Variants in NKAIN2 observed in about 807,000 individuals in gnomAD.
The protein encoded by NKAIN2 is sodium/potassium-transporting ATPase subunit beta-1-interacting protein 2.
NKAIN2 carries 14 observed loss-of-function variants against 32.6 expected under a neutral mutation model. The ratio of observed to expected loss-of-function variants is 0.43; its 90% CI spans 0.28 to 0.67. NKAIN2 has a LOEUF of 0.67. Ranked by LOEUF, NKAIN2 falls within the 30% of genes least tolerant of loss-of-function variation. The probability of loss-of-function intolerance (pLI) is 0.17; values close to 1 mark genes in which losing one functional copy is unlikely to be tolerated. For missense variants in NKAIN2, 198 were observed against 258.3 expected (o/e 0.77, Z 1.60); for synonymous variants, 80 against 87.2 (o/e 0.92, Z 0.46).
intron 1 of NKAIN2, among the ~76,000 whole-genome samples, chr6:123,895,572 G>C (rs558109483): frequency 6.6e-6 from 1 of 152,166 alleles, no homozygotes; most frequent in Non-Finnish European, 1.5e-5. Flanking sequence ...CCTAGGGACA[G>C]GTTAGGGTCA....
At chr6:124,684,591 A>C (rs2114514109) in intron 4 of NKAIN2, among the ~76,000 whole-genome samples, 1 of 152,248 alleles carries the variant, frequency 6.6e-6, no homozygotes, top group East Asian at 1.9e-4. Context: ...ACATATAAAA[A>C]CCCATTAAAA....
At chr6:124,196,891 G>A (rs1007947818) in intron 1 of NKAIN2, among the ~76,000 whole-genome samples, 1 of 151,746 alleles carries the variant, frequency 6.6e-6, no homozygotes, top group African/African-American at 2.4e-5. Flanking sequence ...CCCTAATAAA[G>A]ATTAATAAGG....
At chr6:124,584,304 T>C (rs1002137728) in intron 3 of NKAIN2, among the ~76,000 whole-genome samples, 2 of 152,048 alleles carry the variant, frequency 1.3e-5, no homozygotes, top group African/African-American at 4.8e-5. Context: ...TAGGAAAATA[T>C]CTAATAATTT....
At chr6:124,357,302 T>C (rs1799030315) in intron 3 of NKAIN2, among the ~76,000 whole-genome samples, 1 of 152,158 alleles carries the variant, frequency 6.6e-6, no homozygotes, top group Admixed American at 6.6e-5. Context: ...ACTGGGTTTT[T>C]CCTCTCTTTC....
intron 3 of NKAIN2, among the ~76,000 whole-genome samples, chr6:124,370,804 C>T (rs1371162391): frequency 6.6e-6 from 1 of 152,084 alleles, no homozygotes; most frequent in East Asian, 1.9e-4. Flanking sequence ...CTTGCAATTG[C>T]TTCTGAAGAG....
intron 1 of NKAIN2, among the ~76,000 whole-genome samples, chr6:123,891,353 C>T (rs1774009718): frequency 6.6e-6 from 1 of 152,034 alleles, no homozygotes; most frequent in Non-Finnish European, 1.5e-5. Flanking sequence ...TCTATTTTAC[C>T]ACACACAAAA....
intron 1 of NKAIN2, among the ~76,000 whole-genome samples, chr6:123,938,837 A>G (rs1052658147): frequency 2.6e-5 from 4 of 151,662 alleles, no homozygotes; most frequent in African/African-American, 9.7e-5. Context: ...GGAACAGTGG[A>G]CATTGCTATG....
intron 1 of NKAIN2, among the ~76,000 whole-genome samples, chr6:124,246,916 G>A (rs1166524881): frequency 6.6e-6 from 1 of 151,920 alleles, no homozygotes; most frequent in East Asian, 1.9e-4. Flanking sequence ...TGTCCCACTG[G>A]GCTACAACCA....
chr6:124,053,125 A>G (rs951694168), intron 1 of NKAIN2, among the ~76,000 whole-genome samples: 4 of 151,976 alleles, frequency 2.6e-5, no homozygotes, highest in Middle Eastern at 3.2e-3. Flanking sequence ...TCAGGGGTCA[A>G]TGTGCAGGAT....
intron 1 of NKAIN2, among the ~76,000 whole-genome samples, chr6:124,181,641 T>G (rs934179522): frequency 2.0e-5 from 3 of 152,198 alleles, no homozygotes; most frequent in Non-Finnish European, 4.4e-5. Flanking sequence ...ATCATCTTTC[T>G]CAAGTTCAAA....
chr6:124,232,289 A>G (rs1257815005), intron 1 of NKAIN2, among the ~76,000 whole-genome samples: 1 of 152,186 alleles, frequency 6.6e-6, no homozygotes, highest in African/African-American at 2.4e-5. Context: ...TTATAAAATT[A>G]CTTGATTAGA....
chr6:123,807,687 C>G (rs1222968251), intron 1 of NKAIN2, among the ~76,000 whole-genome samples: 1 of 152,016 alleles, frequency 6.6e-6, no homozygotes, highest in Non-Finnish European at 1.5e-5. Flanking sequence ...TTAATTTAGA[C>G]TGAAAGGACA....
At chr6:123,861,298 G>C (rs1775777673) in intron 1 of NKAIN2, among the ~76,000 whole-genome samples, 1 of 152,224 alleles carries the variant, frequency 6.6e-6, no homozygotes, top group African/African-American at 2.4e-5. Context: ...GCATATTTTA[G>C]AGGTCAGAAG....
At chr6:124,455,680 G>T (rs1375961518) in intron 3 of NKAIN2, among the ~76,000 whole-genome samples, 1 of 151,668 alleles carries the variant, frequency 6.6e-6, no homozygotes, top group African/African-American at 2.4e-5. Flanking sequence ...AAGAGAAAAG[G>T]TAACATTTCC....
At chr6:124,541,305 G>A (rs1379122438) in intron 3 of NKAIN2, among the ~76,000 whole-genome samples, 1 of 152,146 alleles carries the variant, frequency 6.6e-6, no homozygotes. Flanking sequence ...GTTTTGGTCA[G>A]ATAAGCAAGG....
chr6:124,246,275 A>G (rs1280799424), intron 1 of NKAIN2, among the ~76,000 whole-genome samples: 1 of 152,062 alleles, frequency 6.6e-6, no homozygotes, highest in East Asian at 1.9e-4. Flanking sequence ...GATCAACCTC[A>G]TTCTTGTTCA....
chr6:124,477,092 T>C (rs1777248876), intron 3 of NKAIN2, among the ~76,000 whole-genome samples: 1 of 152,180 alleles, frequency 6.6e-6, no homozygotes, highest in Non-Finnish European at 1.5e-5. Context: ...CTGTCAGATT[T>C]CCCAAAGTAC....
chr6:124,204,664 T>A (rs1434385730), intron 1 of NKAIN2, among the ~76,000 whole-genome samples: 4 of 151,788 alleles, frequency 2.6e-5, no homozygotes, highest in Non-Finnish European at 4.4e-5. Context: ...TATTTTAATA[T>A]AAGACCAGGC....
At chr6:124,822,539 A>T (rs1186936231) in intron 6 of NKAIN2, among the ~76,000 whole-genome samples, 1 of 152,136 alleles carries the variant, frequency 6.6e-6, no homozygotes, top group Non-Finnish European at 1.5e-5. Flanking sequence ...GCTGTAACTG[A>T]CCTACAGTCA....
Sources: gnomAD v4.1 joint callset for allele counts (sites outside exome capture counted in the v4.1 genomes callset) on GRCh38, gnomAD v4.1.1 for gene constraint, MANE v1.5 for transcripts, NCBI Gene and HGNC (gene_info 2026-07-23, HGNC 2026-07-21) for gene names.